The following NRXN1 variants were observed in gnomAD, a reference collection of about 807,000 sequenced individuals.
NRXN1 encodes the protein neurexin-1.
Under a neutral mutation model 150.9 loss-of-function variants are expected in NRXN1, and 39 were observed. The observed-to-expected ratio is 0.26, with a 90% confidence interval of 0.20 to 0.34. The LOEUF (loss-of-function observed/expected upper bound fraction) is 0.34. NRXN1 is among the 10% of genes least tolerant of loss of function. The probability of loss-of-function intolerance (pLI) is 1.00; values close to 1 mark genes in which losing one functional copy is unlikely to be tolerated. For missense variants in NRXN1, 1,815 were observed against 1,949.9 expected, an observed-to-expected ratio of 0.93 and a Z score of 1.30; for synonymous variants, 924 against 757.0, an observed-to-expected ratio of 1.22 and a Z score of -3.62.
intron 17 of NRXN1, among the ~76,000 whole-genome samples, chr2:50,261,580 T>C (rs2068287531): frequency 6.6e-6 from 1 of 151,820 alleles, no homozygotes; most frequent in Admixed American, 6.6e-5. Context: ...ATGCCCTAGG[T>C]TATTGTATAA....
At chr2:50,567,827 A>G (rs1390817563) in intron 8 of NRXN1, among the ~76,000 whole-genome samples, 1 of 152,038 alleles carries the variant, frequency 6.6e-6, no homozygotes, top group Non-Finnish European at 1.5e-5. Flanking sequence ...AATAATGACG[A>G]ACACAGAGTG....
intron 13 of NRXN1, among the ~76,000 whole-genome samples, chr2:50,503,143 A>G (rs1558843804): frequency 6.6e-6 from 1 of 151,956 alleles, no homozygotes; most frequent in Non-Finnish European, 1.5e-5. Flanking sequence ...CCTCATCTCT[A>G]CTAAAACTAC....
chr2:50,462,226 T>C (rs114615812), intron 17 of NRXN1, among the ~76,000 whole-genome samples: 5 of 151,856 alleles, frequency 3.3e-5, no homozygotes, highest in Non-Finnish European at 7.4e-5. Context: ...TTATTCCTAG[T>C]AGAAGTATAG....
chr2:50,205,526 C>A (rs17040199), intron 18 of NRXN1, among the ~76,000 whole-genome samples: 1 of 151,886 alleles, frequency 6.6e-6, no homozygotes, highest in Admixed American at 6.6e-5. Flanking sequence ...AGAAATAGGA[C>A]CTTCAAAGTG....
intron 15 of NRXN1, among the ~76,000 whole-genome samples, chr2:50,488,544 G>C (rs2091035917): frequency 1.3e-5 from 2 of 152,162 alleles, no homozygotes; most frequent in African/African-American, 2.4e-5. Flanking sequence ...TGCAACACTG[G>C]CTTATTGCTA....
At chr2:50,198,280 A>G (rs2061905743) in intron 18 of NRXN1, among the ~76,000 whole-genome samples, 2 of 152,166 alleles carry the variant, frequency 1.3e-5, no homozygotes, top group Non-Finnish European at 2.9e-5. Flanking sequence ...ATAATTAAAT[A>G]GGATCATTTA....
intron 5 of NRXN1, among the ~76,000 whole-genome samples, chr2:50,812,893 T>C (rs17041052): frequency 0.12 from 18,490 of 151,928 alleles, 1,633 homozygotes; most frequent in East Asian, 0.33. Flanking sequence ...TTTTAAATTT[T>C]TGTTTGATAC....
intron 18 of NRXN1, among the ~76,000 whole-genome samples, chr2:50,166,970 T>C (rs1247819420): frequency 6.6e-6 from 1 of 152,114 alleles, no homozygotes; most frequent in African/African-American, 2.4e-5. Flanking sequence ...CCAATATAAT[T>C]TGGCCAAAAA....
At chr2:50,436,706 C>T (rs998161501) in intron 17 of NRXN1, among the ~76,000 whole-genome samples, 1 of 152,148 alleles carries the variant, frequency 6.6e-6, no homozygotes, top group African/African-American at 2.4e-5. Flanking sequence ...GTATATTCTT[C>T]CATCTTTCAG....
intron 5 of NRXN1, among the ~76,000 whole-genome samples, chr2:50,875,241 A>G (rs1011517629): frequency 1.3e-5 from 2 of 151,762 alleles, no homozygotes; most frequent in Non-Finnish European, 2.9e-5. Flanking sequence ...ATCAAAACTA[A>G]GATGTTGACC....
intron 21 of NRXN1, among the ~76,000 whole-genome samples, chr2:49,971,166 C>T (rs529091903): frequency 1.4e-4 from 21 of 152,184 alleles, no homozygotes; most frequent in South Asian, 4.1e-4. Context: ...TAAAAAGTGT[C>T]AGCTAAGAGG....
intron 5 of NRXN1, among the ~76,000 whole-genome samples, chr2:50,735,688 T>A (rs1698652485): frequency 6.6e-6 from 1 of 152,116 alleles, no homozygotes; most frequent in Admixed American, 6.6e-5. Context: ...GTCCCTCAAT[T>A]AGTCCCATAC....
At chr2:50,651,923 A>C (rs1685697417) in intron 5 of NRXN1, among the ~76,000 whole-genome samples, 1 of 151,960 alleles carries the variant, frequency 6.6e-6, no homozygotes, top group Non-Finnish European at 1.5e-5. Flanking sequence ...TGAATAATGA[A>C]CCCTATTTAA....
intron 21 of NRXN1, among the ~76,000 whole-genome samples, chr2:49,961,304 A>C (rs1329486911): frequency 6.7e-6 from 1 of 150,124 alleles, no homozygotes; most frequent in African/African-American, 2.5e-5. Context: ...ATCTTCCAAA[A>C]TGCCTGCGCA....
At chr2:50,121,963 T>C (rs1481694279) in intron 18 of NRXN1, among the ~76,000 whole-genome samples, 1 of 152,172 alleles carries the variant, frequency 6.6e-6, no homozygotes, top group Non-Finnish European at 1.5e-5. Context: ...GCAAAGGCAA[T>C]TTTCTTCAGA....
intron 17 of NRXN1, among the ~76,000 whole-genome samples, chr2:50,403,521 T>C (rs996783392): frequency 6.6e-6 from 1 of 152,150 alleles, no homozygotes; most frequent in East Asian, 1.9e-4. Context: ...CTAGTACATA[T>C]GTACAGAATA....
chr2:50,661,659 C>T (rs965652826), intron 5 of NRXN1, among the ~76,000 whole-genome samples: 1 of 152,016 alleles, frequency 6.6e-6, no homozygotes, highest in South Asian at 2.1e-4. Flanking sequence ...ATCAATATAC[C>T]TTCATAAAAT....
At chr2:49,945,454 T>C (rs1204897800) in intron 21 of NRXN1, among the ~76,000 whole-genome samples, 1 of 151,788 alleles carries the variant, frequency 6.6e-6, no homozygotes, top group Admixed American at 6.6e-5. Flanking sequence ...AGGTTACATA[T>C]GTATACACGT....
intron 17 of NRXN1, among the ~76,000 whole-genome samples, chr2:50,287,027 A>T (rs186202397): frequency 5.6e-4 from 85 of 151,994 alleles, no homozygotes; most frequent in Non-Finnish European, 1.0e-3. Flanking sequence ...GTGCTTTGTA[A>T]TTTTTAATAT....
Sources: gnomAD v4.1 joint callset for allele counts (sites outside exome capture counted in the v4.1 genomes callset) on GRCh38, gnomAD v4.1.1 for gene constraint, MANE v1.5 for transcripts, NCBI Gene and HGNC (gene_info 2026-07-23, HGNC 2026-07-21) for gene names.